ADTRP: variants seen among roughly 807,000 people sequenced by gnomAD.
The protein encoded by ADTRP is androgen-dependent TFPI-regulating protein.
A neutral mutation model predicts 27.0 loss-of-function variants in ADTRP; 20 were observed. The ratio of observed to expected loss-of-function variants is 0.74; its 90% CI spans 0.52 to 1.08. ADTRP has a LOEUF of 1.08. Among genes scored for constraint, ADTRP ranks in the 50% least tolerant of loss-of-function variants. The probability of loss-of-function intolerance (pLI) is 0.00; values close to 1 mark genes in which losing one functional copy is unlikely to be tolerated. For missense variants in ADTRP, 251 were observed against 275.0 expected, an observed-to-expected ratio of 0.91 and a Z score of 0.62; for synonymous variants, 101 against 105.2, an observed-to-expected ratio of 0.96 and a Z score of 0.25.
Position 11,714,406 on chromosome 6 carries a change from G to GAAAAAA in ADTRP, c.*66_*71dup. 8 of 1,362,416 alleles carry GAAAAAA rather than the reference G, an allele frequency of 5.9e-6. No individual in the cohort carries two copies. The highest frequency in any genetic ancestry group is 2.3e-5 in the Admixed American group (1 of 44,326). The allele number at this position is 1,362,416 out of a possible 1,614,324, so 84.4% of individuals were successfully genotyped here. On this transcript the variant is annotated 3_prime_UTR_variant, in exon 6 of 6. Coordinates refer to ENST00000414691, the MANE Select transcript of ADTRP (RefSeq NM_032744.4). ...GTTCCTCCACCACCTCCCTCCACCA[G>GAAAAAA]AAAAAAAAAAAAAAGATGAGAAAAA...
In ADTRP at chr6:11,724,839, G is replaced by C. The variant is rs1159967167; in HGVS notation, c.507-1339C>G. Among the ~76,000 whole-genome samples the C allele has an allele frequency of 2.6e-5, 4 of 152,200 alleles. No homozygotes were observed. In the East Asian group the frequency reaches 7.7e-4, roughly 29 times the overall value. On this transcript the variant is annotated intron_variant, in intron 4 of 5. Transcript: ENST00000414691. ...ACACATGTAAAAGACACAGAACAGT[G>C]CTTGGCACATTGTAATATTTGACAA...
At chr6:11,769,486 G>T (rs1763693649) in intron 1 of ADTRP, among the ~76,000 whole-genome samples, 1 of 152,146 alleles carries the variant, frequency 6.6e-6, no homozygotes, top group Admixed American at 6.5e-5. Context: ...CCAGGAGCTT[G>T]TTAGAAATGC....
intron 3 of ADTRP, among the ~76,000 whole-genome samples, chr6:11,750,120 C>A (rs1762994409): frequency 1.3e-5 from 2 of 152,040 alleles, no homozygotes; most frequent in East Asian, 3.9e-4. Context: ...GCCAAAGGGA[C>A]AAAAGGCCCC....
intron 4 of ADTRP, among the ~76,000 whole-genome samples, chr6:11,729,689 C>G (rs982038997): frequency 4.6e-5 from 7 of 152,156 alleles, no homozygotes; most frequent in African/African-American, 1.7e-4. Flanking sequence ...TCAATCTTGT[C>G]TCAAAATTAG....
At chr6:11,771,023 G>T (rs1376483139) in intron 1 of ADTRP, among the ~76,000 whole-genome samples, 1 of 152,180 alleles carries the variant, frequency 6.6e-6, no homozygotes, top group Non-Finnish European at 1.5e-5. Flanking sequence ...GCTTTCCTCA[G>T]GCTGGAGCTT....
At chr6:11,717,366 C>T in intron 5 of ADTRP, 1 of 1,304,294 alleles carries the variant, frequency 7.7e-7, no homozygotes, top group Non-Finnish European at 1.0e-6. Flanking sequence ...CCACTGGAAG[C>T]AGATTCCAAC....
rs763153435 is a variant in ADTRP, at chr6:11,778,755, G to A, written c.5C>T (p.Thr2Met). 55 of 1,613,684 alleles carry A rather than the reference G, an allele frequency of 3.4e-5. No homozygotes were observed. In the Middle Eastern group the frequency reaches 6.6e-4, roughly 19 times the overall value. The change falls in exon 1 of 6, where the codon ACG becomes ATG. Residue 2 changes from threonine to methionine, a missense_variant. Transcript: ENST00000414691. Reference protein sequence around the residue: MTKTSTCIYHFL... With the variant: MMKTSTCIYHFL... ...GTGGTATATGCATGTAGAAGTCTTC[G>A]TCATGGCGAGTGCTGACCGGGGCAC...
At chr6:11,714,558 C>G in intron 5 of ADTRP, 46 bp from the exon 6 acceptor site, 1 of 1,593,358 alleles carries the variant, frequency 6.3e-7, no homozygotes, top group Non-Finnish European at 8.5e-7. Flanking sequence ...CAGGCTTTCC[C>G]TAATGGGTAT....
intron 1 of ADTRP, 137 bp downstream of exon 1, chr6:11,778,469 AC>A (rs1358294419): frequency 1.4e-5 from 18 of 1,265,458 alleles, no homozygotes; most frequent in Middle Eastern, 2.0e-4. Context: ...TAAACAAAAA[AC>A]CCAAAACTCA....
chr6:11,758,161 C>T (rs1337167184), intron 3 of ADTRP, among the ~76,000 whole-genome samples: 1 of 152,156 alleles, frequency 6.6e-6, no homozygotes, highest in Non-Finnish European at 1.5e-5. Context: ...ATTCATTGGA[C>T]CTTATTCTGC....
Position 11,723,511 on chromosome 6 carries a change from T to A in ADTRP, c.507-11A>T, listed in dbSNP as rs757936027. The A allele has an allele frequency of 6.2e-7, 1 of 1,613,152 alleles. No individual in the cohort carries two copies. Among genetic ancestry groups the A allele is most frequent in the Non-Finnish European group, 8.5e-7 (1 of 1,179,730 alleles). On this transcript the variant is annotated splice_polypyrimidine_tract_variant and intron_variant, in intron 4 of 5. Coordinates refer to ENST00000414691, the MANE Select transcript of ADTRP (RefSeq NM_032744.4). ...TAGAGCCATAGGATGCTGCAGGAAATAAGAAGTCGTGGTGGTTATAGCAGG... is the reference window on the plus strand; with the variant it reads ...TAGAGCCATAGGATGCTGCAGGAAAAAAGAAGTCGTGGTGGTTATAGCAGG...
At chr6:11,759,212 CA>C (rs530639677) in intron 3 of ADTRP, among the ~76,000 whole-genome samples, 173 of 152,250 alleles carry the variant, frequency 1.1e-3, no homozygotes, top group Non-Finnish European at 1.6e-3. Context: ...TTTGAGGGAA[CA>C]GGGGCAGAGA....
intron 3 of ADTRP, among the ~76,000 whole-genome samples, chr6:11,752,117 T>A (rs1437924260): frequency 6.6e-6 from 1 of 152,222 alleles, no homozygotes. Flanking sequence ...AATCAATGTT[T>A]ATCCCTTCAA....
At chr6:11,763,999 G>C (rs1763474136) in intron 3 of ADTRP, among the ~76,000 whole-genome samples, 1 of 152,102 alleles carries the variant, frequency 6.6e-6, no homozygotes, top group Admixed American at 6.6e-5. Context: ...TATGACCTGG[G>C]GTAGCTTCCT....
chr6:11,741,721 T>TAA (rs66700409), intron 3 of ADTRP, among the ~76,000 whole-genome samples: 10 of 151,142 alleles, frequency 6.6e-5, no homozygotes, highest in East Asian at 1.9e-4. Flanking sequence ...AGATTTTTTT[T>TAA]AAAAAAAAAA....
chr6:11,763,828 G>A (rs2235392), intron 3 of ADTRP, among the ~76,000 whole-genome samples: 47,995 of 152,140 alleles, frequency 0.32, 9,126 homozygotes, highest in Non-Finnish European at 0.43. Context: ...ATACTTATTA[G>A]GACACTTAAT....
chr6:11,759,154 G>A (rs1763322668), intron 3 of ADTRP, among the ~76,000 whole-genome samples: 1 of 152,204 alleles, frequency 6.6e-6, no homozygotes, highest in Admixed American at 6.5e-5. Context: ...GCCAAGCAAT[G>A]TCTTTTGTTG....
chr6:11,777,073 C>T (rs769520298), intron 1 of ADTRP, among the ~76,000 whole-genome samples: 4 of 152,116 alleles, frequency 2.6e-5, no homozygotes, highest in Non-Finnish European at 5.9e-5. Flanking sequence ...AAAGGATGAA[C>T]TTAGTAAAAG....
At chr6:11,753,315 G>A (rs935655734) in intron 3 of ADTRP, among the ~76,000 whole-genome samples, 18 of 152,284 alleles carry the variant, frequency 1.2e-4, no homozygotes, top group African/African-American at 3.4e-4. Context: ...TTTGTGAATA[G>A]ATTTGAGTTA....
Sources: allele counts gnomAD v4.1 joint callset (sites outside exome capture counted in the v4.1 genomes callset), GRCh38; gene constraint gnomAD v4.1.1; transcripts MANE v1.5; gene names NCBI Gene and HGNC (gene_info 2026-07-23, HGNC 2026-07-21).